Variants in RBFOX1 observed in about 807,000 individuals in gnomAD.
RBFOX1 encodes RNA binding protein fox-1 homolog 1.
Under a neutral mutation model 57.7 loss-of-function variants are expected in RBFOX1, and 8 were observed. That is an observed-to-expected ratio of 0.14 (90% CI 0.08 to 0.25). RBFOX1 has a LOEUF of 0.25. Among genes scored for constraint, RBFOX1 ranks in the 10% least tolerant of loss-of-function variants. The probability of loss-of-function intolerance (pLI) is 1.00; values close to 1 mark genes in which losing one functional copy is unlikely to be tolerated. For synonymous variants in RBFOX1, 326 were observed against 222.4 expected (o/e 1.47, Z -4.15); for missense variants, 611 against 548.5 (o/e 1.11, Z -1.14).
chr16:7,316,107 C>G (rs1419224857), intron 4 of RBFOX1, among the ~76,000 whole-genome samples: 2 of 152,150 alleles, frequency 1.3e-5, no homozygotes, highest in Non-Finnish European at 2.9e-5. Context: ...ATCACATTTC[C>G]TCTTTAATCA....
intron 3 of RBFOX1, among the ~76,000 whole-genome samples, chr16:6,894,654 G>T (rs963446645): frequency 2.0e-5 from 3 of 152,074 alleles, no homozygotes; most frequent in African/African-American, 7.2e-5. Flanking sequence ...TATAACAGCA[G>T]GCTAGAGAAA....
chr16:7,205,132 A>T (rs117121125), intron 4 of RBFOX1, among the ~76,000 whole-genome samples: 2,560 of 152,226 alleles, frequency 0.017, 38 homozygotes, highest in Middle Eastern at 0.075. Flanking sequence ...CCCTTCACTG[A>T]TAGTAAGATA....
At chr16:6,402,049 A>G (rs779763854) in intron 2 of RBFOX1, among the ~76,000 whole-genome samples, 24 of 151,628 alleles carry the variant, frequency 1.6e-4, no homozygotes, top group Admixed American at 1.1e-3. Context: ...TGGTGGGGCC[A>G]GGGAGAAGGG....
chr16:6,044,188 C>T (rs372717016), intron 1 of RBFOX1, among the ~76,000 whole-genome samples: 1 of 152,294 alleles, frequency 6.6e-6, no homozygotes, highest in Admixed American at 6.5e-5. Flanking sequence ...ACAGGTATGT[C>T]TTGAATTAGG....
chr16:6,317,333 A>G (rs2081232701), intron 2 of RBFOX1, among the ~76,000 whole-genome samples: 1 of 152,082 alleles, frequency 6.6e-6, no homozygotes, highest in Admixed American at 6.6e-5. Flanking sequence ...TTAAAATAAA[A>G]TGTGTTTTTG....
intron 3 of RBFOX1, among the ~76,000 whole-genome samples, chr16:6,924,196 C>CATAAT (rs1567902723): frequency 2.5e-4 from 31 of 126,444 alleles, no homozygotes; most frequent in African/African-American, 8.5e-4. Flanking sequence ...ATAATAATAG[C>CATAAT]AATAATGCCA....
intron 3 of RBFOX1, among the ~76,000 whole-genome samples, chr16:5,837,627 G>T (rs2056502572): frequency 6.7e-6 from 1 of 149,240 alleles, no homozygotes; most frequent in Non-Finnish European, 1.5e-5. Flanking sequence ...TTTTTCCTGA[G>T]AGGTTCCTGG....
At chr16:5,832,140 CT>C (rs1455518510) in intron 3 of RBFOX1, among the ~76,000 whole-genome samples, 1 of 152,130 alleles carries the variant, frequency 6.6e-6, no homozygotes, top group Non-Finnish European at 1.5e-5. Flanking sequence ...GCAGAACTGG[CT>C]AAGTAGGAAG....
intron 3 of RBFOX1, among the ~76,000 whole-genome samples, chr16:6,859,447 G>A (rs1043615619): frequency 6.6e-6 from 1 of 151,856 alleles, no homozygotes; most frequent in Non-Finnish European, 1.5e-5. Context: ...GTTCATCAGA[G>A]AACTTGATAA....
intron 1 of RBFOX1, among the ~76,000 whole-genome samples, chr16:6,096,119 C>T (rs990378204): frequency 1.3e-5 from 2 of 152,166 alleles, no homozygotes; most frequent in Admixed American, 6.5e-5. Context: ...TCATGGTAAA[C>T]GACCTTGTCA....
At chr16:5,358,669 C>G (rs529842740) in intron 1 of RBFOX1, among the ~76,000 whole-genome samples, 25 of 152,236 alleles carry the variant, frequency 1.6e-4, no homozygotes, top group Admixed American at 5.9e-4. Context: ...ACTAAAAATA[C>G]AAAATTAGCC....
chr16:6,201,527 G>A (rs371636146), intron 1 of RBFOX1, among the ~76,000 whole-genome samples: 6 of 152,272 alleles, frequency 3.9e-5, no homozygotes, highest in South Asian at 4.1e-4. Context: ...AGGGTAGCCC[G>A]GAGTGGGGAG....
intron 4 of RBFOX1, among the ~76,000 whole-genome samples, chr16:7,164,274 G>T (rs563810184): frequency 6.6e-6 from 1 of 152,164 alleles, no homozygotes; most frequent in Non-Finnish European, 1.5e-5. Flanking sequence ...CTCCATCCAG[G>T]TTGCTGCAAA....
chr16:7,070,787 C>G (rs756098191), intron 4 of RBFOX1, among the ~76,000 whole-genome samples: 26 of 152,194 alleles, frequency 1.7e-4, no homozygotes, highest in Non-Finnish European at 2.9e-4. Context: ...AGCCATCCCC[C>G]TTCCCCTTAG....
chr16:6,300,953 T>G (rs2078750504), intron 1 of RBFOX1, among the ~76,000 whole-genome samples: 1 of 152,202 alleles, frequency 6.6e-6, no homozygotes, highest in African/African-American at 2.4e-5. Flanking sequence ...GCTTTGATGG[T>G]TTTCACAAAG....
intron 3 of RBFOX1, chr16:6,773,808 G>A (rs886961365): frequency 3.2e-5 from 7 of 219,750 alleles, no homozygotes; most frequent in African/African-American, 4.7e-5. Context: ...GTGGGAGTTT[G>A]GTGCATTTGT....
chr16:7,317,270 C>A (rs1194260186), intron 4 of RBFOX1, among the ~76,000 whole-genome samples: 1 of 152,140 alleles, frequency 6.6e-6, no homozygotes, highest in African/African-American at 2.4e-5. Context: ...AGAAGAAATG[C>A]AACTCCCTGA....
intron 3 of RBFOX1, among the ~76,000 whole-genome samples, chr16:6,792,104 G>A (rs1002664321): frequency 6.6e-6 from 1 of 151,966 alleles, no homozygotes; most frequent in Non-Finnish European, 1.5e-5. Flanking sequence ...TTTAATAGTG[G>A]TATTAATTAT....
At chr16:7,332,849 C>G (rs991691416) in intron 4 of RBFOX1, 957 of 1,449,686 alleles carry the variant, frequency 6.6e-4, no homozygotes, top group Middle Eastern at 1.0e-3. Flanking sequence ...GATTTTCTTT[C>G]TTTCCTCTCC....
Sources: gnomAD v4.1 joint callset for allele counts (sites outside exome capture counted in the v4.1 genomes callset) on GRCh38, gnomAD v4.1.1 for gene constraint, MANE v1.5 for transcripts, NCBI Gene and HGNC (gene_info 2026-07-23, HGNC 2026-07-21) for gene names.